DTX2: variants seen among roughly 807,000 people sequenced by gnomAD.
The protein encoded by DTX2 is deltex E3 ubiquitin ligase 2.
In DTX2, 29 loss-of-function variants were observed where a neutral mutation model predicts 55.3. The ratio of observed to expected loss-of-function variants is 0.52; its 90% CI spans 0.39 to 0.71. The LOEUF (loss-of-function observed/expected upper bound fraction) is 0.71, where lower values mean the gene tolerates loss of function less well. Ranked by LOEUF, DTX2 falls within the 30% of genes least tolerant of loss-of-function variation. DTX2 has a pLI of 0.00. For synonymous variants in DTX2, 276 were observed against 340.4 expected, an observed-to-expected ratio of 0.81 and a Z score of 2.08; for missense variants, 537 against 822.5, an observed-to-expected ratio of 0.65 and a Z score of 4.25.
At chr7:76,498,425 C>T (rs767412406) in intron 6 of DTX2, among the ~76,000 whole-genome samples, 19 of 151,658 alleles carry the variant, frequency 1.3e-4, no homozygotes, top group Non-Finnish European at 2.2e-4. Context: ...CGTTGGCAGC[C>T]CGGGCTGGCA....
intron 2 of DTX2, among the ~76,000 whole-genome samples, chr7:76,478,489 T>A (rs1448554959): frequency 2.0e-5 from 3 of 147,674 alleles, no homozygotes; most frequent in Non-Finnish European, 4.4e-5. Context: ...TATAGCTCAC[T>A]GCAGCCTCTA....
Position 76,505,368 on chromosome 7 carries a change from G to A in DTX2, c.1642-6G>A, listed in dbSNP as rs781172309. 7 of 1,565,626 alleles carry A rather than the reference G, an allele frequency of 4.5e-6. No individual in the cohort carries two copies. The highest frequency in any genetic ancestry group is 1.4e-5 in the African/African-American group (1 of 73,348). On this transcript the variant is annotated splice_polypyrimidine_tract_variant and splice_region_variant and intron_variant, in intron 10 of 10. Coordinates refer to ENST00000430490, the MANE Select transcript of DTX2 (RefSeq NM_001102594.3). This position sits in a 1 kb window ranked among gnomAD's most constrained non-coding sequence, Gnocchi z 4.4. ...CTTCCTCTTCCCCCTCCTCCTCCCC[G>A]GGCAGGTCCTAGAGCTCCTGAAGGT... is the stretch of plus-strand genomic sequence containing the variant.
At chr7:76,495,383 C>T (rs1810818656) in intron 5 of DTX2, among the ~76,000 whole-genome samples, 1 of 151,468 alleles carries the variant, frequency 6.6e-6, no homozygotes, top group Admixed American at 6.6e-5. Flanking sequence ...AGGGCTCTGA[C>T]AGCGGGAATC....
chr7:76,468,057 CG>C, intron 2 of DTX2, among the ~76,000 whole-genome samples: 1 of 152,376 alleles, frequency 6.6e-6, no homozygotes, highest in African/African-American at 2.4e-5. Flanking sequence ...CCTGAGGATC[CG>C]GGGGGAATGG....
At chr7:76,486,884 C>CTGCTGCTTT (rs59594095) in intron 4 of DTX2, among the ~76,000 whole-genome samples, 4,780 of 149,064 alleles carry the variant, frequency 0.032, 32 homozygotes, top group African/African-American at 0.064. Context: ...GCTGCTGCTG[C>CTGCTGCTTT]TGCCCTTGCC....
Position 76,505,899 on chromosome 7 carries a change from G to T in DTX2, c.*298G>T. 3.6e-6 allele frequency: 2 copies of T among 550,656 alleles called. No individual in the cohort carries two copies. The highest frequency in any genetic ancestry group is 4.3e-5 in the South Asian group (2 of 46,114). 34.1% of individuals were successfully genotyped at this position (550,656 alleles called of 1,614,324 possible). ...CGCGGTGCTCGGGGCCTGGTGTGGG[G>T]CGAGTAGAGACTTCCCCAGCCTGGA... On this transcript the variant is annotated 3_prime_UTR_variant, in exon 11 of 11. Coordinates refer to ENST00000430490, the MANE Select transcript of DTX2 (RefSeq NM_001102594.3). The surrounding 1 kb of genome is among the most constrained non-coding windows in gnomAD (Gnocchi z 4.4).
At chr7:76,499,933 G>A in intron 6 of DTX2, 1 of 346,758 alleles carries the variant, frequency 2.9e-6, no homozygotes, top group Non-Finnish European at 5.8e-6. Flanking sequence ...CGTTTCCCGG[G>A]ACAGTGTCTG....
intron 8 of DTX2, chr7:76,502,679 A>G (rs952404723): frequency 2.0e-5 from 11 of 551,212 alleles, no homozygotes; most frequent in Non-Finnish European, 3.2e-5. Flanking sequence ...AAGGAGGACC[A>G]GTGCGGCTGG....
intron 2 of DTX2, among the ~76,000 whole-genome samples, chr7:76,474,239 GAGAT>G (rs1808286664): frequency 7.5e-6 from 1 of 133,870 alleles, no homozygotes. Flanking sequence ...TTTTTTTTAA[GAGAT>G]AGGGTCTTGC....
intron 5 of DTX2, among the ~76,000 whole-genome samples, chr7:76,493,813 T>G (rs1584220468): frequency 4.0e-4 from 39 of 98,236 alleles, no homozygotes; most frequent in Middle Eastern, 5.4e-3. Flanking sequence ...CGGGGGGTTG[T>G]GAGGGGGGAT....
intron 2 of DTX2, among the ~76,000 whole-genome samples, chr7:76,472,998 T>C (rs1438560575): frequency 3.3e-5 from 5 of 151,744 alleles, no homozygotes; most frequent in African/African-American, 1.2e-4. Context: ...TTCTTTTCCG[T>C]TTTTTTTAAT....
intron 4 of DTX2, among the ~76,000 whole-genome samples, chr7:76,491,336 C>G (rs1810420270): frequency 7.2e-6 from 1 of 138,054 alleles, no homozygotes; most frequent in Non-Finnish European, 1.5e-5. Flanking sequence ...GCTCTGTTGT[C>G]CAGGCTGGAG....
At chr7:76,466,517 A>G (rs1807200749) in intron 2 of DTX2, among the ~76,000 whole-genome samples, 1 of 151,416 alleles carries the variant, frequency 6.6e-6, no homozygotes, top group African/African-American at 2.4e-5. Flanking sequence ...TCTTACCCTG[A>G]GGTAATCATT....
chr7:76,500,947 G>A (rs1399723233), intron 7 of DTX2, among the ~76,000 whole-genome samples: 2 of 152,196 alleles, frequency 1.3e-5, no homozygotes, highest in Admixed American at 1.3e-4. Flanking sequence ...TTAAAGACGG[G>A]TGCACACTGT....
intron 2 of DTX2, among the ~76,000 whole-genome samples, chr7:76,475,601 T>C (rs1221700667): frequency 1.1e-4 from 15 of 133,290 alleles, no homozygotes; most frequent in East Asian, 2.4e-4. Context: ...GCAGGAGAAC[T>C]GCTTGAACCC....
Position 76,480,431 on chromosome 7 carries a change from G to T in DTX2, c.-79G>T, listed in dbSNP as rs1413809132. ...CTGTCCTGTTCACAGATCTGCCGGAGGCGCTGGGCAATGACCCCGGGACTC... is the reference window on the plus strand; with the variant it reads ...CTGTCCTGTTCACAGATCTGCCGGATGCGCTGGGCAATGACCCCGGGACTC... On this transcript the variant is annotated 5_prime_UTR_variant, in exon 3 of 11. In the 5' UTR this introduces an upstream ATG that the reference lacks. Transcript: ENST00000430490. 2 of 1,414,040 alleles carry T rather than the reference G, an allele frequency of 1.4e-6. No individual in the cohort carries two copies. The highest frequency in any genetic ancestry group is 1.9e-6 in the Non-Finnish European group (2 of 1,056,208). 87.6% of individuals were successfully genotyped at this position (1,414,040 alleles called of 1,614,324 possible).
intron 5 of DTX2, among the ~76,000 whole-genome samples, chr7:76,494,886 T>TG (rs1258973720): frequency 8.9e-6 from 1 of 112,730 alleles, no homozygotes; most frequent in African/African-American, 3.4e-5. Context: ...AGCAGTGTCC[T>TG]GTCACCCTGG....
intron 10 of DTX2, among the ~76,000 whole-genome samples, chr7:76,504,981 G>A (rs1812177731): frequency 6.6e-6 from 1 of 150,934 alleles, no homozygotes; most frequent in African/African-American, 2.4e-5. Flanking sequence ...GTGAGAATGG[G>A]CTTGAGGTGG....
chr7:76,473,167 A>G (rs1351167381), intron 2 of DTX2, among the ~76,000 whole-genome samples: 1 of 151,940 alleles, frequency 6.6e-6, no homozygotes, highest in Admixed American at 6.6e-5. Flanking sequence ...CAAAATTTCT[A>G]GTAAAGTAGA....
Sources: gnomAD v4.1 joint callset for allele counts (sites outside exome capture counted in the v4.1 genomes callset) on GRCh38, gnomAD v4.1.1 for gene constraint, Gnocchi (gnomAD v3.1) non-coding constraint, MANE v1.5 for transcripts, NCBI Gene and HGNC (gene_info 2026-07-23, HGNC 2026-07-21) for gene names.